ZFYVE26: variants seen among roughly 807,000 people sequenced by gnomAD.
The protein encoded by ZFYVE26 is zinc finger FYVE-type containing 26.
Under a neutral mutation model 276.5 loss-of-function variants are expected in ZFYVE26, and 181 were observed. The ratio of observed to expected loss-of-function variants is 0.65; its 90% CI spans 0.58 to 0.74. The LOEUF is 0.74. Ranked by LOEUF, ZFYVE26 falls within the 30% of genes least tolerant of loss-of-function variation. The pLI is 0.00. For missense variants in ZFYVE26, 2,821 were observed against 3,097.9 expected (o/e 0.91, Z 2.12); for synonymous variants, 1,129 against 1,203.1 (o/e 0.94, Z 1.27).
At chr14:67,744,137 G>A (rs1043575470), downstream of ZFYVE26, among the ~76,000 whole-genome samples, 8 of 152,276 alleles carry the variant, frequency 5.3e-5, no homozygotes, top group Non-Finnish European at 1.0e-4. Context: ...GGGTTACTGT[G>A]GCTATCGATA....
downstream of ZFYVE26, among the ~76,000 whole-genome samples, chr14:67,742,108 C>T (rs2038421848): frequency 1.3e-5 from 2 of 152,232 alleles, no homozygotes; most frequent in Admixed American, 6.5e-5. Flanking sequence ...TGGTCACCAA[C>T]ATCAACTGGG....
chr14:67,784,922 A>G, intron 19 of ZFYVE26, 137 bp downstream of exon 19: 1 of 915,440 alleles, frequency 1.1e-6, no homozygotes, highest in Non-Finnish European at 1.8e-6. Flanking sequence ...GAGATGAATA[A>G]GAGAGGACAA....
In ZFYVE26 at chr14:67,729,247, C is replaced by T. The variant is rs751589863; in HGVS notation, n.3252G>A. ...AGGCGTCGTCCGCTCTGAGCTGGTC[C>T]GGCACTCCTCCCTGCTCTGCCTGCT... On this transcript the variant is annotated non_coding_transcript_exon_variant, in exon 14 of 15. Transcript: ENST00000394455. The T allele has an allele frequency of 8.7e-6, 14 of 1,609,924 alleles. No individual in the cohort carries two copies. The highest frequency in any genetic ancestry group is 1.1e-5 in the Non-Finnish European group (13 of 1,179,992).
intron 25 of ZFYVE26, among the ~76,000 whole-genome samples, chr14:67,776,838 C>A (rs1469209226): frequency 1.3e-5 from 2 of 152,112 alleles, no homozygotes; most frequent in Admixed American, 1.3e-4. Flanking sequence ...AGTAAGTGGG[C>A]CAGTGGTTAT....
chr14:67,792,204 C>A (rs1488036614), intron 14 of ZFYVE26, among the ~76,000 whole-genome samples: 5 of 152,022 alleles, frequency 3.3e-5, no homozygotes, highest in Admixed American at 2.0e-4. Context: ...ACCTAGAGTT[C>A]CCTAGATTTA....
At chr14:67,809,771 T>C (rs1040828040) in intron 3 of ZFYVE26, among the ~76,000 whole-genome samples, 3 of 133,908 alleles carry the variant, frequency 2.2e-5, no homozygotes, top group African/African-American at 5.4e-5. Flanking sequence ...TTTTCAGTAC[T>C]ATTCTTTTCT....
chr14:67,789,280 T>C, intron 16 of ZFYVE26, 55 bp downstream of exon 16: 1 of 1,610,654 alleles, frequency 6.2e-7, no homozygotes, highest in South Asian at 1.1e-5. Flanking sequence ...ATCAAGACTC[T>C]CAGAAACCCA....
intron 41 of ZFYVE26, 37 bp downstream of exon 41, chr14:67,751,015 A>G (rs1594880711): frequency 2.5e-6 from 4 of 1,613,934 alleles, no homozygotes; most frequent in Non-Finnish European, 3.4e-6. Context: ...GACACAATTC[A>G]TTGGCATCAC....
At chr14:67,729,255 C>G (rs1319139753) in exon 14 of ZFYVE26, 1 of 1,609,256 alleles carries the variant, frequency 6.2e-7, no homozygotes. Flanking sequence ...TCCGGCACTC[C>G]TCCCTGCTCT....
Position 67,807,780 on chromosome 14 carries a change from T to G in ZFYVE26, c.504A>C (p.Ala168=), listed in dbSNP as rs760247236. ...WDLLRQSPQP[A]QALLELLLEE... The stretch of plus-strand genomic sequence containing the variant: ...CAAGCAGGAGCTCCAGCAGGGCCTG[T>G]GCTGGCTGGGGAGACTGCCTCAGGA... The change falls in exon 5 of 42, where the codon GCA becomes GCC. Residue 168 remains alanine (A), a synonymous_variant. Transcript: ENST00000347230. The G allele has an allele frequency of 6.2e-7, 1 of 1,614,188 alleles. No homozygotes were observed. The highest frequency in any genetic ancestry group is 1.1e-5 in the South Asian group (1 of 91,080).
Position 67,806,652 on chromosome 14 carries a change from C to G in ZFYVE26, c.910G>C (p.Glu304Gln). 1.2e-6 allele frequency: 2 copies of G among 1,614,192 alleles called. No individual in the cohort carries two copies. Among genetic ancestry groups the G allele is most frequent in the African/African-American group, 2.7e-5 (2 of 75,050 alleles). Reference sequence around the variant, plus strand: ...GAGAACAGGGCTAGCATTGCCCGCTCAGGATCTAGATGATCCGGTGAGACT... The same window carrying G: ...GAGAACAGGGCTAGCATTGCCCGCTGAGGATCTAGATGATCCGGTGAGACT... The part of the protein sequence containing the change: ...GKVSPDHLDP[E>Q]RAMLALFSNP... The change falls in exon 6 of 42, where the codon GAG (glutamate) becomes CAG (glutamine). Residue 304 changes from glutamate (E) to glutamine (Q), a missense_variant. Coordinates refer to ENST00000347230, the MANE Select transcript of ZFYVE26 (RefSeq NM_015346.4).
intron 36 of ZFYVE26, 63 bp downstream of exon 36, chr14:67,755,885 T>G: frequency 6.3e-7 from 1 of 1,596,624 alleles, no homozygotes. Flanking sequence ...CATCGTGCAC[T>G]GCCTCTCCTG....
intron 12 of ZFYVE26, among the ~76,000 whole-genome samples, chr14:67,795,801 TC>T (rs1351251560): frequency 6.6e-6 from 1 of 152,170 alleles, no homozygotes; most frequent in East Asian, 1.9e-4. Context: ...GAAAATATTT[TC>T]TGTAATGTAT....
Position 67,748,245 on chromosome 14 carries a change from A to T in ZFYVE26, c.*191T>A. ...AAACACACATAGATTCCACAATTTT[A>T]GAGAAACATGGCACTTGCGTGAAAG... On this transcript the variant is annotated 3_prime_UTR_variant, in exon 42 of 42. Coordinates refer to ENST00000347230, the MANE Select transcript of ZFYVE26 (RefSeq NM_015346.4). 1.6e-6 allele frequency: 1 copy of T among 635,532 alleles called. No individual in the cohort carries two copies. The highest frequency in any genetic ancestry group is 2.7e-6 in the Non-Finnish European group (1 of 369,294). The allele number at this position is 635,532 out of a possible 1,614,324, so 39.4% of individuals were successfully genotyped here.
rs571644707 is a variant in ZFYVE26, at chr14:67,812,660, G to A, written c.273+1326C>T. On this transcript the variant is annotated intron_variant, in intron 3 of 41. Coordinates refer to ENST00000347230, the MANE Select transcript of ZFYVE26 (RefSeq NM_015346.4). ...CTATTTGTGAACCTGGGAAAAACAA[G>A]AACGGGAAGTGGAATCCATCTCCTG... Among the ~76,000 whole-genome samples the A allele has an allele frequency of 1.3e-3, 192 of 152,330 alleles. 1 individual carries two copies. Among genetic ancestry groups the A allele is most frequent in the Non-Finnish European group, 1.9e-3 (132 of 68,038 alleles).
intron 14 of ZFYVE26, chr14:67,729,151 A>G (rs753564958): frequency 1.5e-5 from 24 of 1,601,586 alleles, no homozygotes; most frequent in Non-Finnish European, 2.1e-5. Context: ...TCCTGGGCTC[A>G]GAGTGTGTCC....
chr14:67,754,112 G>C lies in ZFYVE26; in HGVS notation c.7087C>G (p.Leu2363Val). ...ATTTTCATGTGGTTATTTCCAAACAGGGTTGGCAGAGGCAAAGTGGTGATT... is the reference window on the plus strand; with the variant it reads ...ATTTTCATGTGGTTATTTCCAAACACGGTTGGCAGAGGCAAAGTGGTGATT... ...SQITTLPLPT[L>V]FGNNHMKMDV... Residue 2363 changes from leucine (L) to valine (V), a missense_variant, in exon 38 of 42, where the codon CTG (leucine) becomes GTG (valine). Coordinates refer to ENST00000347230, the MANE Select transcript of ZFYVE26 (RefSeq NM_015346.4). 1.2e-6 allele frequency: 2 copies of C among 1,614,216 alleles called. No individual in the cohort carries two copies. Among genetic ancestry groups the C allele is most frequent in the Non-Finnish European group, 1.7e-6 (2 of 1,180,030 alleles).
At chr14:67,742,377 A>G (rs1259173971), downstream of ZFYVE26, among the ~76,000 whole-genome samples, 1 of 152,228 alleles carries the variant, frequency 6.6e-6, no homozygotes, top group Non-Finnish European at 1.5e-5. Context: ...GTGTACACTT[A>G]AAAATGGTTA....
chr14:67,766,941 C>A (rs557376287), intron 31 of ZFYVE26, among the ~76,000 whole-genome samples: 1 of 152,154 alleles, frequency 6.6e-6, no homozygotes, highest in East Asian at 1.9e-4. Flanking sequence ...TGGGCTCAAG[C>A]GATTCACCCA....
Sources: gnomAD v4.1 joint callset for allele counts (sites outside exome capture counted in the v4.1 genomes callset) on GRCh38, gnomAD v4.1.1 for gene constraint, MANE v1.5 for transcripts, NCBI Gene and HGNC (gene_info 2026-07-23, HGNC 2026-07-21) for gene names.